Variants in NBEA observed in about 807,000 individuals in gnomAD.
NBEA encodes the protein lysosomal-trafficking regulator 2.
In NBEA, 44 loss-of-function variants were observed where a neutral mutation model predicts 343.4. The ratio of observed to expected loss-of-function variants is 0.13; its 90% CI spans 0.10 to 0.16. NBEA has a LOEUF of 0.16. Among genes scored for constraint, NBEA ranks in the 10% least tolerant of loss-of-function variants. NBEA has a pLI of 1.00. For missense variants in NBEA, 2,555 were observed against 3,631.3 expected, an observed-to-expected ratio of 0.70 and a Z score of 7.62; for synonymous variants, 1,175 against 1,238.7, an observed-to-expected ratio of 0.95 and a Z score of 1.08.
intron 39 of NBEA, among the ~76,000 whole-genome samples, chr13:35,446,025 T>C (rs1029955477): frequency 9.3e-5 from 14 of 151,320 alleles, no homozygotes; most frequent in Admixed American, 4.0e-4. Flanking sequence ...GTCCAAGTGT[T>C]CTCATTGTTC....
Position 35,056,077 on chromosome 13 carries a change from A to G in NBEA, c.1040A>G (p.Asn347Ser). The G allele has an allele frequency of 6.2e-7, 1 of 1,607,100 alleles. No individual in the cohort carries two copies. Among genetic ancestry groups the G allele is most frequent in the Non-Finnish European group, 8.5e-7 (1 of 1,176,074 alleles). The change falls in exon 7 of 59, where the codon AAT (asparagine) becomes AGT (serine). Residue 347 changes from asparagine to serine, a missense_variant. Physicochemically the swap from Asn to Ser is conservative, Grantham distance 46. Transcript: ENST00000379939. The part of the protein sequence containing the change: ...WRNSEIRCYV[N>S]GQLVSYGDMA... ...AACAGTGAAATTCGGTGTTATGTTA[A>G]TGGACAACTGGTATCTTATGGTGAT...
intron 1 of NBEA, among the ~76,000 whole-genome samples, chr13:34,975,581 A>C (rs185943795): frequency 1.2e-4 from 19 of 152,292 alleles, no homozygotes; most frequent in African/African-American, 4.3e-4. Flanking sequence ...AGACAAATAG[A>C]TGGGACTTAA....
intron 41 of NBEA, among the ~76,000 whole-genome samples, chr13:35,479,401 T>A (rs1461976): frequency 0.5 from 76,032 of 151,976 alleles, 20,719 homozygotes; most frequent in Non-Finnish European, 0.61. Flanking sequence ...TGTAGCTGAA[T>A]CCTTTCAGTG....
chr13:35,518,296 C>G (rs187267198), intron 41 of NBEA, among the ~76,000 whole-genome samples: 1 of 152,224 alleles, frequency 6.6e-6, no homozygotes, highest in East Asian at 1.9e-4. Context: ...ATATCTTAAT[C>G]TTAATTATAT....
chr13:34,957,482 T>G (rs2152488559), intron 1 of NBEA, among the ~76,000 whole-genome samples: 1 of 152,310 alleles, frequency 6.6e-6, no homozygotes, highest in African/African-American at 2.4e-5. Flanking sequence ...TTTCACTTCC[T>G]TACTGAATAT....
In NBEA at chr13:35,654,831, AT is replaced by A. The variant is rs775576081; in HGVS notation, c.8036-23del. ...AAACTCATATGGAATCTTTCTTCAA[AT>A]GCTTTTTTCCATTTACTTTTAGCCA... On this transcript the variant is annotated intron_variant, in intron 53 of 58. Transcript: ENST00000379939. The A allele has an allele frequency of 5.2e-6, 8 of 1,551,708 alleles. 1 individual carries two copies. In the African/African-American group the frequency reaches 1.1e-4, roughly 22 times the overall value.
At chr13:35,122,869 C>T (rs2066880627) in intron 16 of NBEA, among the ~76,000 whole-genome samples, 1 of 152,070 alleles carries the variant, frequency 6.6e-6, no homozygotes, top group South Asian at 2.1e-4. Context: ...GTTCTAGTTT[C>T]TATTTTAAAC....
chr13:35,346,836 A>G (rs2039906263), intron 36 of NBEA, among the ~76,000 whole-genome samples: 1 of 152,138 alleles, frequency 6.6e-6, no homozygotes, highest in South Asian at 2.1e-4. Context: ...TCTATATCTG[A>G]GCAGACATGG....
intron 44 of NBEA, among the ~76,000 whole-genome samples, chr13:35,563,029 G>C (rs2079938308): frequency 6.6e-6 from 1 of 151,786 alleles, no homozygotes; most frequent in Admixed American, 6.6e-5. Flanking sequence ...TTTATTATTT[G>C]AGTAGATTAG....
intron 1 of NBEA, among the ~76,000 whole-genome samples, chr13:34,971,558 C>T (rs2059996110): frequency 6.6e-6 from 1 of 152,022 alleles, no homozygotes; most frequent in African/African-American, 2.4e-5. Context: ...AATTTTTAAC[C>T]TGAAGGGATG....
At position 35,670,084 on chromosome 13, in the gene NBEA, T is replaced by G. The variant is rs573258662; in HGVS notation, c.8814-817T>G. Among the ~76,000 whole-genome samples the G allele has an allele frequency of 3.3e-5, 5 of 152,342 alleles. 1 individual carries two copies. The South Asian group carries it at 1.0e-3, about 32-fold the overall frequency. ...ATAATGAATAGTGCATGCATATCAATTATAAACTGATAAACATATATTGGG... is the reference window on the plus strand; with the variant it reads ...ATAATGAATAGTGCATGCATATCAAGTATAAACTGATAAACATATATTGGG... On this transcript the variant is annotated intron_variant, in intron 58 of 58. Coordinates refer to ENST00000379939, the MANE Select transcript of NBEA (RefSeq NM_001385012.1).
intron 34 of NBEA, among the ~76,000 whole-genome samples, chr13:35,263,737 A>G (rs2033419342): frequency 6.6e-6 from 1 of 152,096 alleles, no homozygotes; most frequent in Non-Finnish European, 1.5e-5. Context: ...ACAAACAAAA[A>G]TGGAAACAAC....
At chr13:35,011,243 G>T (rs2061486491) in intron 1 of NBEA, among the ~76,000 whole-genome samples, 1 of 152,064 alleles carries the variant, frequency 6.6e-6, no homozygotes, top group Admixed American at 6.6e-5. Context: ...TGGTGGAGGA[G>T]GTCCTGTAAG....
chr13:35,450,114 A>G (rs532853835), intron 39 of NBEA, among the ~76,000 whole-genome samples: 18 of 152,178 alleles, frequency 1.2e-4, no homozygotes, highest in Non-Finnish European at 2.4e-4. Context: ...ACAAACTGCA[A>G]AGAGAAAAAG....
chr13:34,946,292 A>G (rs2059180728), intron 1 of NBEA, among the ~76,000 whole-genome samples: 1 of 152,176 alleles, frequency 6.6e-6, no homozygotes, highest in Non-Finnish European at 1.5e-5. Flanking sequence ...TTTCAGTTGT[A>G]AAACTGGCGT....
intron 55 of NBEA, among the ~76,000 whole-genome samples, chr13:35,662,356 T>C (rs1593508191): frequency 6.6e-6 from 1 of 152,104 alleles, no homozygotes; most frequent in Non-Finnish European, 1.5e-5. Flanking sequence ...AGAGGGGCGG[T>C]CCACCTGCAC....
chr13:35,389,873 G>C (rs536067771), intron 38 of NBEA, among the ~76,000 whole-genome samples: 1 of 151,054 alleles, frequency 6.6e-6, no homozygotes, highest in African/African-American at 2.4e-5. Flanking sequence ...TTCTCTCTTA[G>C]TTCCCTCACT....
At chr13:35,332,913 A>G (rs1199766283) in intron 36 of NBEA, among the ~76,000 whole-genome samples, 2 of 152,078 alleles carry the variant, frequency 1.3e-5, no homozygotes, top group Non-Finnish European at 2.9e-5. Context: ...ACTCCCCACT[A>G]TAAATTAGTG....
At chr13:35,323,393 T>A (rs1195085336) in intron 36 of NBEA, among the ~76,000 whole-genome samples, 1 of 151,902 alleles carries the variant, frequency 6.6e-6, no homozygotes, top group East Asian at 1.9e-4. Context: ...CATAAAAAAA[T>A]GATGAGTTCA....
Sources: gnomAD v4.1 joint callset for allele counts (sites outside exome capture counted in the v4.1 genomes callset) on GRCh38, gnomAD v4.1.1 for gene constraint, MANE v1.5 for transcripts, NCBI Gene and HGNC (gene_info 2026-07-23, HGNC 2026-07-21) for gene names.